The following IRAG2 variants were observed in gnomAD, a reference collection of about 807,000 sequenced individuals.
The protein encoded by IRAG2 is lymphoid restricted membrane protein.
A neutral mutation model predicts 69.9 loss-of-function variants in IRAG2; 45 were observed. The ratio of observed to expected loss-of-function variants is 0.64; its 90% CI spans 0.51 to 0.83. The LOEUF is 0.83. IRAG2 is among the 40% of genes least tolerant of loss of function. The pLI, the probability that IRAG2 is intolerant of heterozygous loss-of-function variation, is 0.00. For synonymous variants in IRAG2, 193 were observed against 202.4 expected, an observed-to-expected ratio of 0.95 and a Z score of 0.40; for missense variants, 520 against 587.0, an observed-to-expected ratio of 0.89 and a Z score of 1.18.
intron 1 of IRAG2, among the ~76,000 whole-genome samples, chr12:25,055,823 G>C (rs186865885): frequency 2.0e-5 from 3 of 151,848 alleles, no homozygotes; most frequent in African/African-American, 7.3e-5. Context: ...TATAGGATGT[G>C]TATATAACAT....
At chr12:25,011,603 T>A in intron 3 of IRAG2, 1 of 1,066,862 alleles carries the variant, frequency 9.4e-7, no homozygotes, top group African/African-American at 1.6e-5. Flanking sequence ...TAACAACTGA[T>A]TATAATTATG....
chr12:25,077,330 T>TATATGTG (rs1565563380), intron 6 of IRAG2, among the ~76,000 whole-genome samples: 1 of 12,252 alleles, frequency 8.2e-5, no homozygotes, highest in African/African-American at 1.5e-4. Flanking sequence ...ATATATATGA[T>TATATGTG]ATATATATGA....
intron 14 of IRAG2, among the ~76,000 whole-genome samples, chr12:25,036,374 T>G (rs1442555987): frequency 6.6e-6 from 1 of 152,196 alleles, no homozygotes; most frequent in East Asian, 1.9e-4. Flanking sequence ...TCTCTCTGTA[T>G]ATATTCAACA....
rs536465882 is a variant in IRAG2, at chr12:25,060,856, T to C, written c.-446-736T>C. Among the ~76,000 whole-genome samples, 717 of 151,008 alleles carry C rather than the reference T, an allele frequency of 4.7e-3. 3 individuals carry two copies. The highest frequency in any genetic ancestry group is 7.6e-3 in the Non-Finnish European group (514 of 67,748). On this transcript the variant is annotated intron_variant, in intron 1 of 21. Transcript: ENST00000556887. Reference sequence around the variant, plus strand: ...TTGTATTTTTTTTTTTTAGTAGAGATGGGGTTTTGTCCTGTTGGCCAGGCT... The same window carrying C: ...TTGTATTTTTTTTTTTTAGTAGAGACGGGGTTTTGTCCTGTTGGCCAGGCT...
chr12:25,068,303 G>T (rs540507121), intron 5 of IRAG2, among the ~76,000 whole-genome samples: 1 of 152,176 alleles, frequency 6.6e-6, no homozygotes, highest in African/African-American at 2.4e-5. Context: ...CAAATGAACA[G>T]CCAGATGAAG....
intron 15 of IRAG2, among the ~76,000 whole-genome samples, chr12:25,100,018 A>AAAAAAAAAAAAAAAAAAAC (rs1565588258): frequency 1.3e-5 from 2 of 150,332 alleles, no homozygotes; most frequent in Non-Finnish European, 3.0e-5. Context: ...AAAAAAAAAA[A>AAAAAAAAAAAAAAAAAAAC]AAAAAAATGG....
At chr12:25,072,191 C>T (rs946131520) in intron 6 of IRAG2, among the ~76,000 whole-genome samples, 36 of 150,332 alleles carry the variant, frequency 2.4e-4, no homozygotes, top group African/African-American at 8.4e-4. Context: ...GCGACAAGAG[C>T]GAAACTCCAT....
At chr12:25,004,429 G>A (rs1159385542) in exon 1 of IRAG2, 2 of 1,232,088 alleles carry the variant, frequency 1.6e-6, no homozygotes, top group Non-Finnish European at 2.0e-6. Context: ...CAAGAGAGAA[G>A]CAATTTCAAA....
intron 5 of IRAG2, among the ~76,000 whole-genome samples, chr12:25,016,491 A>G (rs1362031115): frequency 1.3e-5 from 2 of 152,108 alleles, no homozygotes. Context: ...GGCTGGGCAC[A>G]GAGGCTCATG....
chr12:25,100,825 CT>C (rs5797118), intron 15 of IRAG2: 252 of 146,590 alleles, frequency 1.7e-3, no homozygotes, highest in Middle Eastern at 6.6e-3. Flanking sequence ...TGGACCTAAT[CT>C]TTTTTTTTTT....
intron 15 of IRAG2, chr12:25,097,671 G>C (rs1374650267): frequency 6.6e-6 from 1 of 152,180 alleles, no homozygotes; most frequent in Non-Finnish European, 1.5e-5. Context: ...AATTGTGGTA[G>C]TAATTTTAGT....
upstream of IRAG2, chr12:25,052,226 T>TTAAA: frequency 2.6e-6 from 1 of 386,276 alleles, no homozygotes; most frequent in Non-Finnish European, 4.5e-6. Context: ...TTTTTTTTTT[T>TTAAA]AACTCCAGTC....
intron 9 of IRAG2, among the ~76,000 whole-genome samples, chr12:25,028,356 T>C (rs1397644900): frequency 1.3e-5 from 2 of 152,246 alleles, no homozygotes; most frequent in Admixed American, 1.3e-4. Flanking sequence ...TATCTTTTTA[T>C]ATTATATGGC....
intron 15 of IRAG2, among the ~76,000 whole-genome samples, chr12:25,100,690 T>C (rs1217564471): frequency 1.3e-5 from 2 of 152,210 alleles, no homozygotes; most frequent in Non-Finnish European, 2.9e-5. Context: ...CATCATCAAC[T>C]ATCTGTTCTT....
the IRAG2 span, among the ~76,000 whole-genome samples, chr12:24,998,409 A>C: frequency 6.6e-6 from 1 of 152,358 alleles, no homozygotes; most frequent in Admixed American, 6.5e-5. Flanking sequence ...GCTATCATCT[A>C]TCCTAGAAAC....
upstream of IRAG2, among the ~76,000 whole-genome samples, chr12:25,000,036 A>G (rs1167241416): frequency 1.3e-5 from 2 of 152,212 alleles, no homozygotes; most frequent in African/African-American, 4.8e-5. Context: ...TCCACAGACT[A>G]CGAGTTTCAG....
chr12:25,080,603 T>C (rs1206832465), intron 9 of IRAG2, among the ~76,000 whole-genome samples: 4 of 152,130 alleles, frequency 2.6e-5, no homozygotes, highest in Non-Finnish European at 5.9e-5. Flanking sequence ...CCACCCTCCT[T>C]GGCCTCCCAA....
chr12:25,069,399 T>G lies in IRAG2; in HGVS notation c.-9T>G. 1.2e-6 allele frequency: 2 copies of G among 1,613,980 alleles called. No individual in the cohort carries two copies. Among genetic ancestry groups the G allele is most frequent in the Non-Finnish European group, 1.7e-6 (2 of 1,179,868 alleles). On this transcript the variant is annotated 5_prime_UTR_variant, in exon 6 of 22. Coordinates refer to ENST00000556887, the MANE Select transcript of IRAG2 (RefSeq NM_001366544.2). ...CAGCCCAGGAACGAATCTCTCAGGC[T>G]GCATCAGGATGAATGATGACCCAAG...
chr12:25,002,832 G>T (rs1346972724), upstream of IRAG2, among the ~76,000 whole-genome samples: 2 of 151,938 alleles, frequency 1.3e-5, no homozygotes, highest in African/African-American at 4.8e-5. Flanking sequence ...AGTAGAGATA[G>T]GGTTTCACCA....
Sources: allele counts gnomAD v4.1 joint callset (sites outside exome capture counted in the v4.1 genomes callset), GRCh38; gene constraint gnomAD v4.1.1; transcripts MANE v1.5; gene names NCBI Gene and HGNC (gene_info 2026-07-23, HGNC 2026-07-21).